Variants in MAGI2 observed in about 807,000 individuals in gnomAD.
MAGI2 encodes membrane-associated guanylate kinase, WW and PDZ domain-containing protein 2.
Under a neutral mutation model 133.3 loss-of-function variants are expected in MAGI2, and 35 were observed. That is an observed-to-expected ratio of 0.26 (90% CI 0.20 to 0.35). The LOEUF is 0.35. Ranked by LOEUF, MAGI2 falls within the 10% of genes least tolerant of loss-of-function variation. The pLI is 1.00. For synonymous variants in MAGI2, 729 were observed against 710.6 expected (o/e 1.03, Z -0.41); for missense variants, 1,636 against 1,863.4 (o/e 0.88, Z 2.25).
At chr7:79,197,410 A>G (rs1828179022) in intron 1 of MAGI2, among the ~76,000 whole-genome samples, 1 of 152,092 alleles carries the variant, frequency 6.6e-6, no homozygotes, top group South Asian at 2.1e-4. Context: ...TAATCACTCA[A>G]TCACCACCTA....
intron 2 of MAGI2, among the ~76,000 whole-genome samples, chr7:78,817,098 T>C (rs1789648767): frequency 6.6e-6 from 1 of 152,188 alleles, no homozygotes. Context: ...GGATGACTTT[T>C]AGGGGTTCAA....
At chr7:79,095,159 C>T (rs1365869293) in intron 1 of MAGI2, among the ~76,000 whole-genome samples, 1 of 152,198 alleles carries the variant, frequency 6.6e-6, no homozygotes, top group Non-Finnish European at 1.5e-5. Flanking sequence ...TTCTGGATAG[C>T]CTCTGCGAAC....
intron 6 of MAGI2, among the ~76,000 whole-genome samples, chr7:78,452,921 T>C (rs968830517): frequency 6.6e-6 from 1 of 152,108 alleles, no homozygotes; most frequent in South Asian, 2.1e-4. Flanking sequence ...TTGCATATTA[T>C]TAGCTGATTG....
At chr7:78,271,293 A>G (rs559266069) in intron 9 of MAGI2, among the ~76,000 whole-genome samples, 1 of 152,320 alleles carries the variant, frequency 6.6e-6, no homozygotes, top group South Asian at 2.1e-4. Context: ...CTTGCATCCC[A>G]GGGATGAAGC....
At chr7:79,159,563 T>C (rs1461264815) in intron 1 of MAGI2, among the ~76,000 whole-genome samples, 1 of 151,374 alleles carries the variant, frequency 6.6e-6, no homozygotes. Context: ...ATAGCCTTTA[T>C]ACAGATGGGT....
intron 1 of MAGI2, among the ~76,000 whole-genome samples, chr7:79,028,216 A>AATAT (rs1554336292): frequency 2.6e-5 from 3 of 114,718 alleles, no homozygotes; most frequent in African/African-American, 1.0e-4. Flanking sequence ...ATCTCAAAAA[A>AATAT]ATATATATAT....
chr7:78,408,901 T>G (rs1479124209), intron 6 of MAGI2, among the ~76,000 whole-genome samples: 3 of 152,128 alleles, frequency 2.0e-5, no homozygotes, highest in African/African-American at 7.2e-5. Context: ...TTGTAGCTAA[T>G]GTTGTATTTC....
intron 2 of MAGI2, among the ~76,000 whole-genome samples, chr7:78,818,820 T>C (rs549458046): frequency 6.6e-6 from 1 of 152,226 alleles, no homozygotes; most frequent in African/African-American, 2.4e-5. Flanking sequence ...TTCTTGGAAG[T>C]TCTGTTACTA....
At position 79,145,603 on chromosome 7, in the gene MAGI2, CT is replaced by C. The variant is rs577681498; in HGVS notation, c.302-138398del. 7.9e-5 allele frequency among the ~76,000 whole-genome samples: 12 copies of C among 152,224 alleles called. No homozygotes were observed. The South Asian group carries it at 2.5e-3, about 32-fold the overall frequency. ...AAAAAAAAAGCCAATAAAATACATA[CT>C]AGTTGCACTATCAGTCCTCAGAGAA... is the stretch of plus-strand genomic sequence containing the variant. On this transcript the variant is annotated intron_variant, in intron 1 of 21. Coordinates refer to ENST00000354212, the MANE Select transcript of MAGI2 (RefSeq NM_012301.4).
rs201328777 is a variant in MAGI2 at position 79,238,515 on chromosome 7, T to TA, written c.301+214504_301+214505insT. ...GAAATTGGAGAGAAGATAAAGCATA[T>TA]CGTTTGGATAAACTATTTCATCAAA... On this transcript the variant is annotated intron_variant, in intron 1 of 21. Coordinates refer to ENST00000354212, the MANE Select transcript of MAGI2 (RefSeq NM_012301.4). Among the ~76,000 whole-genome samples the TA allele has an allele frequency of 1.5e-3, 234 of 152,292 alleles. 7 individuals carry two copies. In the East Asian group the frequency reaches 0.039, roughly 25 times the overall value.
chr7:79,344,480 TG>T (rs1841156786), intron 1 of MAGI2, among the ~76,000 whole-genome samples: 1 of 152,114 alleles, frequency 6.6e-6, no homozygotes, highest in African/African-American at 2.4e-5. Context: ...TGAATTGTGA[TG>T]GTGTCATAGA....
intron 5 of MAGI2, 62 bp from the exon 6 acceptor site, chr7:78,489,902 A>AGG (rs1793441844): frequency 8.7e-7 from 1 of 1,153,080 alleles, no homozygotes; most frequent in Middle Eastern, 2.0e-4. Flanking sequence ...TTTATTCCTT[A>AGG]AGAAAAAAAA....
At chr7:78,788,688 C>G (rs1418830202) in intron 2 of MAGI2, among the ~76,000 whole-genome samples, 1 of 152,040 alleles carries the variant, frequency 6.6e-6, no homozygotes, top group Non-Finnish European at 1.5e-5. Context: ...GAAAGTACTA[C>G]ACCTCACCCT....
intron 2 of MAGI2, among the ~76,000 whole-genome samples, chr7:78,895,261 T>C (rs755978757): frequency 2.0e-5 from 3 of 152,154 alleles, no homozygotes; most frequent in Non-Finnish European, 4.4e-5. Context: ...ATAGTATCTG[T>C]CAGCAAGAAG....
intron 9 of MAGI2, among the ~76,000 whole-genome samples, chr7:78,311,778 T>C (rs1342311633): frequency 6.6e-6 from 1 of 152,062 alleles, no homozygotes; most frequent in Non-Finnish European, 1.5e-5. Flanking sequence ...AAATTCTTTT[T>C]TTTTTTTTTT....
chr7:79,105,449 T>C (rs1033994717), intron 1 of MAGI2, among the ~76,000 whole-genome samples: 5 of 152,134 alleles, frequency 3.3e-5, no homozygotes, highest in Admixed American at 6.5e-5. Flanking sequence ...TTGCACCATA[T>C]AGGACTTGGA....
chr7:79,255,955 C>G (rs549845516), intron 1 of MAGI2, among the ~76,000 whole-genome samples: 17 of 152,170 alleles, frequency 1.1e-4, no homozygotes, highest in African/African-American at 3.9e-4. Context: ...TTCCCCAAAG[C>G]TAAAAGATCT....
At chr7:78,232,422 A>C (rs1790076123) in intron 10 of MAGI2, among the ~76,000 whole-genome samples, 2 of 152,220 alleles carry the variant, frequency 1.3e-5, no homozygotes, top group South Asian at 4.1e-4. Flanking sequence ...TTTACAATAC[A>C]TGTGAGCAAG....
chr7:78,813,564 T>C (rs2151413580), intron 2 of MAGI2, among the ~76,000 whole-genome samples: 1 of 152,068 alleles, frequency 6.6e-6, no homozygotes, highest in East Asian at 1.9e-4. Flanking sequence ...GACGGGCGGA[T>C]CACGAGGTCA....
Sources: allele counts gnomAD v4.1 joint callset (sites outside exome capture counted in the v4.1 genomes callset), GRCh38; gene constraint gnomAD v4.1.1; transcripts MANE v1.5; gene names NCBI Gene and HGNC (gene_info 2026-07-23, HGNC 2026-07-21).